The following VPS13B variants were observed in gnomAD, a reference collection of about 807,000 sequenced individuals.
VPS13B encodes the protein intermembrane lipid transfer protein VPS13B.
Under a neutral mutation model 426.4 loss-of-function variants are expected in VPS13B, and 285 were observed. That is an observed-to-expected ratio of 0.67 (90% CI 0.61 to 0.74). The LOEUF is 0.74. Among genes scored for constraint, VPS13B ranks in the 30% least tolerant of loss-of-function variants. The probability of loss-of-function intolerance (pLI) is 0.00; values close to 1 mark genes in which losing one functional copy is unlikely to be tolerated. For synonymous variants in VPS13B, 1,676 were observed against 1,676.4 expected (o/e 1.00, Z 0.01); for missense variants, 4,537 against 4,782.6 (o/e 0.95, Z 1.51).
chr8:99,405,217 C>T (rs550573748), intron 21 of VPS13B, among the ~76,000 whole-genome samples: 7 of 152,142 alleles, frequency 4.6e-5, no homozygotes, highest in Admixed American at 3.3e-4. Context: ...TATCCAACTG[C>T]CTACACATCT....
intron 4 of VPS13B, among the ~76,000 whole-genome samples, chr8:99,099,590 T>C (rs563676466): frequency 7.0e-4 from 107 of 152,232 alleles, no homozygotes; most frequent in Non-Finnish European, 1.4e-3. Flanking sequence ...TACATATACA[T>C]AAAAAATGAC....
chr8:99,026,759 A>G (rs544120421), intron 2 of VPS13B, among the ~76,000 whole-genome samples: 1 of 152,314 alleles, frequency 6.6e-6, no homozygotes, highest in East Asian at 1.9e-4. Context: ...TATAAGGATA[A>G]CTACTCCTAT....
At chr8:99,257,552 G>A (rs1817814142) in intron 17 of VPS13B, among the ~76,000 whole-genome samples, 2 of 100,066 alleles carry the variant, frequency 2.0e-5, no homozygotes, top group Non-Finnish European at 4.2e-5. Context: ...GCATGTGAGT[G>A]CATGTGTGTA....
At chr8:99,541,097 A>G (rs1823590170) in intron 30 of VPS13B, among the ~76,000 whole-genome samples, 3 of 152,110 alleles carry the variant, frequency 2.0e-5, no homozygotes, top group Admixed American at 2.0e-4. Flanking sequence ...GGGGTAATAT[A>G]TTTATACCCT....
At chr8:99,278,734 T>C (rs533523276) in intron 19 of VPS13B, among the ~76,000 whole-genome samples, 1 of 152,344 alleles carries the variant, frequency 6.6e-6, no homozygotes, top group South Asian at 2.1e-4. Context: ...TCTCCTTTTT[T>C]ACTTTATATT....
chr8:99,624,007 A>ATATTTTT (rs1206203704), intron 33 of VPS13B, among the ~76,000 whole-genome samples: 3 of 101,102 alleles, frequency 3.0e-5, no homozygotes, highest in African/African-American at 4.4e-5. Context: ...ATATATATAT[A>ATATTTTT]TTTTTTTTTT....
At chr8:99,609,053 A>G (rs1315662798) in intron 33 of VPS13B, among the ~76,000 whole-genome samples, 1 of 152,122 alleles carries the variant, frequency 6.6e-6, no homozygotes, top group Non-Finnish European at 1.5e-5. Flanking sequence ...ATCACATGGG[A>G]AGTCCTTGTT....
rs142250002 is a variant in VPS13B, at chr8:99,086,506, C to G, written c.292-9806C>G. Among the ~76,000 whole-genome samples, 270 of 152,284 alleles carry G rather than the reference C, an allele frequency of 1.8e-3. 1 individual carries two copies. Among genetic ancestry groups the G allele is most frequent in the African/African-American group, 6.3e-3 (262 of 41,558 alleles). ...GCTTTGTTCCATTGCTGGTGAGGAG[C>G]TGCGTTCCTTTGGAGGAGGAGAGGT... On this transcript the variant is annotated intron_variant, in intron 3 of 61. Coordinates refer to ENST00000357162, the MANE Select transcript of VPS13B (RefSeq NM_152564.5).
chr8:99,034,102 C>T (rs1842634897), intron 2 of VPS13B, among the ~76,000 whole-genome samples: 1 of 152,070 alleles, frequency 6.6e-6, no homozygotes, highest in Non-Finnish European at 1.5e-5. Context: ...ATTGCAGCAG[C>T]TTTGGATTTT....
At chr8:99,186,608 C>T (rs970684747) in intron 16 of VPS13B, among the ~76,000 whole-genome samples, 1 of 152,048 alleles carries the variant, frequency 6.6e-6, no homozygotes, top group African/African-American at 2.4e-5. Context: ...ACCATCTATA[C>T]CCAAATCATT....
intron 17 of VPS13B, among the ~76,000 whole-genome samples, chr8:99,199,531 G>A (rs1326485082): frequency 6.6e-6 from 1 of 152,038 alleles, no homozygotes. Context: ...ATAATCTCAT[G>A]CCTCTAGCCT....
At chr8:99,580,428 A>T (rs1446705152) in intron 33 of VPS13B, among the ~76,000 whole-genome samples, 1 of 151,412 alleles carries the variant, frequency 6.6e-6, no homozygotes, top group Non-Finnish European at 1.5e-5. Context: ...CCTGGCCTCA[A>T]GGGATCCATC....
intron 17 of VPS13B, among the ~76,000 whole-genome samples, chr8:99,240,699 T>TA (rs546228417): frequency 5.3e-5 from 8 of 152,058 alleles, no homozygotes; most frequent in Admixed American, 2.0e-4. Flanking sequence ...TATTTAAAAC[T>TA]AAAAAAAATC....
At chr8:99,725,190 G>A (rs976388471) in intron 39 of VPS13B, among the ~76,000 whole-genome samples, 1 of 152,126 alleles carries the variant, frequency 6.6e-6, no homozygotes, top group Non-Finnish European at 1.5e-5. Flanking sequence ...CCTCACACTT[G>A]AACTTATGTG....
chr8:99,218,533 C>T (rs1477966019), intron 17 of VPS13B, among the ~76,000 whole-genome samples: 1 of 152,152 alleles, frequency 6.6e-6, no homozygotes, highest in Non-Finnish European at 1.5e-5. Context: ...ATATTTGATG[C>T]CTCTGGATTA....
At chr8:99,595,472 A>G (rs752822119) in intron 33 of VPS13B, among the ~76,000 whole-genome samples, 27 of 152,084 alleles carry the variant, frequency 1.8e-4, no homozygotes, top group Middle Eastern at 3.4e-3. Context: ...ATGTAACTCA[A>G]AATGGATCAA....
intron 33 of VPS13B, among the ~76,000 whole-genome samples, chr8:99,617,368 G>A (rs563034273): frequency 8.5e-5 from 13 of 152,094 alleles, no homozygotes; most frequent in Admixed American, 5.2e-4. Context: ...AGGCTCTGTC[G>A]CCCAGGCTAC....
At chr8:99,209,712 T>G (rs1214036795) in intron 17 of VPS13B, 1 of 980,262 alleles carries the variant, frequency 1.0e-6, no homozygotes, top group East Asian at 1.1e-4. Context: ...TGGCCCTTTA[T>G]AAATTATGTT....
Position 99,394,064 on chromosome 8 carries a change from G to GT in VPS13B, c.3082+2366dup, listed in dbSNP as rs1204876400. Among the ~76,000 whole-genome samples the GT allele has an allele frequency of 2.4e-4, 37 of 151,824 alleles. 1 individual carries two copies. The highest frequency in any genetic ancestry group is 2.4e-3 in the Admixed American group (37 of 15,228). ...CTTTTTTGGTTGTTGGTTTTTGTTT[G>GT]TTTTTTAACCATCTTAGCCATTTTC... is the stretch of plus-strand genomic sequence containing the variant. On this transcript the variant is annotated intron_variant, in intron 21 of 61. Transcript: ENST00000357162.
Sources: allele counts gnomAD v4.1 joint callset (sites outside exome capture counted in the v4.1 genomes callset), GRCh38; gene constraint gnomAD v4.1.1; transcripts MANE v1.5; gene names NCBI Gene and HGNC (gene_info 2026-07-23, HGNC 2026-07-21).